The following EIF2B1 variants were observed in gnomAD, a reference collection of about 807,000 sequenced individuals.
EIF2B1 encodes the protein translation initiation factor eIF2B subunit alpha.
In EIF2B1, 30 loss-of-function variants were observed where a neutral mutation model predicts 36.8. That is an observed-to-expected ratio of 0.81 (90% confidence interval 0.61 to 1.10). The LOEUF is 1.10. Among genes scored for constraint, EIF2B1 ranks in the 50% least tolerant of loss-of-function variants. The pLI is 0.00. For synonymous variants in EIF2B1, 139 were observed against 142.2 expected, an observed-to-expected ratio of 0.98 and a Z score of 0.16; for missense variants, 271 against 374.8, an observed-to-expected ratio of 0.72 and a Z score of 2.29.
chr12:123,627,452 T>C (rs1515815), intron 4 of EIF2B1, among the ~76,000 whole-genome samples: 45,192 of 152,082 alleles, frequency 0.3, 7,386 homozygotes, highest in Non-Finnish European at 0.38. Context: ...TTGGGTTGGT[T>C]TTCCTATTTC....
At chr12:123,626,805 A>G (rs1355374957) in intron 5 of EIF2B1, 8 of 680,900 alleles carry the variant, frequency 1.2e-5, no homozygotes, top group Non-Finnish European at 1.9e-5. Flanking sequence ...AATCTTCATC[A>G]ATACAATCTC....
At chr12:123,624,147 T>G (rs890750327) in intron 7 of EIF2B1, among the ~76,000 whole-genome samples, 1 of 149,760 alleles carries the variant, frequency 6.7e-6, no homozygotes, top group Admixed American at 6.7e-5. Flanking sequence ...ATATATTATG[T>G]GTGTGTATAT....
Position 123,630,211 on chromosome 12 carries a change from G to A in EIF2B1, c.327C>T (p.Asn109=). The A allele has an allele frequency of 6.2e-7, 1 of 1,613,992 alleles. No individual in the cohort carries two copies. Reference sequence around the variant, plus strand: ...AAGTATGGCACAGATCTGCAATTTTGTTTCTTGACAGTGATATTCTCCTGA... The same window carrying A: ...AAGTATGGCACAGATCTGCAATTTTATTTCTTGACAGTGATATTCTCCTGA... ...LFLRRISLSR[N]KIADLCHTFI... Residue 109 remains asparagine (N), a synonymous_variant, in exon 4 of 9, where the codon AAC becomes AAT. Coordinates refer to ENST00000424014, the MANE Select transcript of EIF2B1 (RefSeq NM_001414.4). This position sits in a 1 kb window ranked among gnomAD's most constrained non-coding sequence, Gnocchi z 4.6.
In EIF2B1 at chr12:123,621,709, C is replaced by A. The variant is rs779143416; in HGVS notation, c.*47G>T. 9 of 1,612,194 alleles carry A rather than the reference C, an allele frequency of 5.6e-6. No individual in the cohort carries two copies. Among genetic ancestry groups the A allele is most frequent in the South Asian group, 3.3e-5 (3 of 90,880 alleles). On this transcript the variant is annotated 3_prime_UTR_variant, in exon 9 of 9. Transcript: ENST00000424014. The stretch of plus-strand genomic sequence containing the variant: ...CTGGGGTGTCAAGCAGCTACTCACC[C>A]TGCCTCAACTACGTAAGCTGCACCT...
At chr12:123,623,116 C>T (rs1024738285) in intron 7 of EIF2B1, among the ~76,000 whole-genome samples, 2 of 145,348 alleles carry the variant, frequency 1.4e-5, no homozygotes, top group Non-Finnish European at 3.0e-5. Context: ...TGTGGTGGCT[C>T]ACGCCTGTAA....
intron 2 of EIF2B1, among the ~76,000 whole-genome samples, chr12:123,631,768 C>T (rs555154678): frequency 6.6e-6 from 1 of 150,874 alleles, no homozygotes; most frequent in Non-Finnish European, 1.5e-5. Context: ...GATGGCACCA[C>T]TGCACTCCAG....
intron 6 of EIF2B1, among the ~76,000 whole-genome samples, chr12:123,625,346 G>T (rs1302797621): frequency 6.6e-6 from 1 of 151,790 alleles, no homozygotes; most frequent in East Asian, 1.9e-4. Flanking sequence ...CTACCTCTTA[G>T]GCTCAAGCGA....
chr12:123,624,953 AG>A (rs1444005352), intron 6 of EIF2B1, 91 bp from the exon 7 acceptor site: 21 of 1,241,704 alleles, frequency 1.7e-5, no homozygotes, highest in Non-Finnish European at 2.5e-5. Flanking sequence ...ATTTCTATCA[AG>A]GTAAGTTCCT....
rs1195239024 is a variant in EIF2B1, at chr12:123,630,427, G to A, written c.222C>T (p.Arg74=). 1.9e-6 allele frequency: 3 copies of A among 1,614,162 alleles called. No individual in the cohort carries two copies. Among genetic ancestry groups the A allele is most frequent in the Non-Finnish European group, 2.5e-6 (3 of 1,180,030 alleles). Residue 74 remains arginine, a synonymous_variant, in exon 3 of 9, where the codon CGC becomes CGT. Transcript: ENST00000424014. The surrounding 1 kb of genome is among the most constrained non-coding windows in gnomAD (Gnocchi z 4.6). ...AVSSGGELFL[R]FISLASLEYS... ...ATTCCAGGGAGGCAAGACTGATGAA[G>A]CGGAGGAAGAGCTCCCCGCCAGAGG...
chr12:123,627,730 T>C (rs1451136050), intron 4 of EIF2B1, among the ~76,000 whole-genome samples: 1 of 152,208 alleles, frequency 6.6e-6, no homozygotes, highest in Non-Finnish European at 1.5e-5. Flanking sequence ...GGCATGTGCC[T>C]ATAGTCCCAG....
In EIF2B1 at chr12:123,632,519, T is replaced by G. The variant is rs1955203000; in HGVS notation, c.14-73A>C. 13 of 1,031,572 alleles carry G rather than the reference T, an allele frequency of 1.3e-5. No homozygotes were observed. In the Admixed American group the frequency reaches 2.2e-4, roughly 18 times the overall value. 63.9% of individuals were successfully genotyped at this position (1,031,572 alleles called of 1,614,324 possible). ...TAAGGCAAGAGAGCTTGTTAATGAC[T>G]GTTGACTTTAAGAAGCAAACAATTT... On this transcript the variant is annotated intron_variant, in intron 1 of 8. Coordinates refer to ENST00000424014, the MANE Select transcript of EIF2B1 (RefSeq NM_001414.4).
Position 123,632,344 on chromosome 12 carries a change from C to G in EIF2B1, c.115+1G>C, listed in dbSNP as rs749213860. 1 of 1,596,540 alleles carries G rather than the reference C, an allele frequency of 6.3e-7. No homozygotes were observed. The highest frequency in any genetic ancestry group is 2.2e-5 in the East Asian group (1 of 44,822). On this transcript the variant is annotated splice_donor_variant, in intron 2 of 8. Coordinates refer to ENST00000424014, the MANE Select transcript of EIF2B1 (RefSeq NM_001414.4). LOFTEE classifies it high-confidence loss of function. Reference sequence around the variant, plus strand: ...GTGTTAACAGATGACTCTCTATATACCTTTATCTCTCTTCAAGAACTCCAG... The same window carrying G: ...GTGTTAACAGATGACTCTCTATATAGCTTTATCTCTCTTCAAGAACTCCAG...
intron 2 of EIF2B1, among the ~76,000 whole-genome samples, chr12:123,631,292 G>A (rs1955184787): frequency 6.6e-6 from 1 of 152,192 alleles, no homozygotes; most frequent in Non-Finnish European, 1.5e-5. Flanking sequence ...GGTCTGAAAT[G>A]AAGGCAGAAG....
chr12:123,630,623 T>A lies in EIF2B1; in HGVS notation c.116-90A>T. 3 of 1,537,568 alleles carry A rather than the reference T, an allele frequency of 2.0e-6. No individual in the cohort carries two copies. The highest frequency in any genetic ancestry group is 1.8e-6 in the Non-Finnish European group (2 of 1,125,016). ...ATTCATTCATTCATTCAGTGAATAT[T>A]TACTAGGTACATACTATATACCAGG... On this transcript the variant is annotated intron_variant, in intron 2 of 8. Coordinates refer to ENST00000424014, the MANE Select transcript of EIF2B1 (RefSeq NM_001414.4). This position sits in a 1 kb window ranked among gnomAD's most constrained non-coding sequence, Gnocchi z 4.6.
chr12:123,632,416 T>C lies in EIF2B1; in HGVS notation c.44A>G (p.Lys15Arg). 6.2e-7 allele frequency: 1 copy of C among 1,613,838 alleles called. No homozygotes were observed. Among genetic ancestry groups the C allele is most frequent in the Non-Finnish European group, 8.5e-7 (1 of 1,179,922 alleles). Residue 15 changes from lysine to arginine, a missense_variant, in exon 2 of 9, where the codon AAA (lysine) becomes AGA (arginine). Lys to Arg is a conservative substitution (Grantham distance 26). Transcript: ENST00000424014. Reference protein sequence around the residue: ...ELIEYFKSQMKEDPDMASAVA... With the variant: ...ELIEYFKSQMREDPDMASAVA... ...TGCTGAGGCCATGTCAGGATCTTCT[T>C]TCATCTGAGACTTAAAGTATTCAAT...
Position 123,627,237 on chromosome 12 carries a change from G to A in EIF2B1, c.370-81C>T, listed in dbSNP as rs7308991. The stretch of plus-strand genomic sequence containing the variant: ...CCTCTGCACTGCGGCACGTGTTCCC[G>A]ACACCCTAAGCATCTCTGTACACTT... On this transcript the variant is annotated intron_variant, in intron 4 of 8. Coordinates refer to ENST00000424014, the MANE Select transcript of EIF2B1 (RefSeq NM_001414.4). The A allele has an allele frequency of 3.1e-4, 318 of 1,039,784 alleles. No individual in the cohort carries two copies. In the African/African-American group the frequency reaches 3.8e-3, roughly 12 times the overall value. 64.4% of individuals were successfully genotyped at this position (1,039,784 alleles called of 1,614,324 possible).
At position 123,630,149 on chromosome 12, in the gene EIF2B1, CATG is replaced by C. The variant is rs747091269; in HGVS notation, c.369+17_369+19del. On this transcript the variant is annotated intron_variant, in intron 4 of 8. Coordinates refer to ENST00000424014, the MANE Select transcript of EIF2B1 (RefSeq NM_001414.4). This position sits in a 1 kb window ranked among gnomAD's most constrained non-coding sequence, Gnocchi z 4.6. ...CGAAACCGTTGCTCCTCCTTACCACCATGATGATTATCCACTCACCGCTCCATC... is the reference window on the plus strand; with the variant it reads ...CGAAACCGTTGCTCCTCCTTACCACCATGATTATCCACTCACCGCTCCATC... 1.9e-6 allele frequency: 3 copies of C among 1,608,778 alleles called. No homozygotes were observed. Among genetic ancestry groups the C allele is most frequent in the East Asian group, 2.2e-5 (1 of 44,862 alleles).
At chr12:123,626,819 T>C (rs1218035110) in intron 5 of EIF2B1, 1 of 694,364 alleles carries the variant, frequency 1.4e-6, no homozygotes, top group African/African-American at 1.8e-5. Context: ...CAATCTCTGC[T>C]CTTCCACGGA....
chr12:123,624,770 AGAAC>A lies in EIF2B1; in HGVS notation c.627+13_627+16del. The A allele has an allele frequency of 6.2e-7, 1 of 1,611,546 alleles. No individual in the cohort carries two copies. Among genetic ancestry groups the A allele is most frequent in the Non-Finnish European group, 8.5e-7 (1 of 1,177,688 alleles). On this transcript the variant is annotated intron_variant, in intron 7 of 8. Transcript: ENST00000424014. ...CCAAGTCTTGAGCAGGGAACTGGGGAGAACTGATGCTCTTACCTTGTTAATAATT... is the reference window on the plus strand; with the variant it reads ...CCAAGTCTTGAGCAGGGAACTGGGGATGATGCTCTTACCTTGTTAATAATT...
Sources: gnomAD v4.1 joint callset for allele counts (sites outside exome capture counted in the v4.1 genomes callset) on GRCh38, gnomAD v4.1.1 for gene constraint, Gnocchi (gnomAD v3.1) non-coding constraint, MANE v1.5 for transcripts, NCBI Gene and HGNC (gene_info 2026-07-23, HGNC 2026-07-21) for gene names.